DGKI: variants seen among roughly 807,000 people sequenced by gnomAD.
The protein encoded by DGKI is diacylglycerol kinase iota, also known as DAG kinase iota.
DGKI carries 55 observed loss-of-function variants against 147.5 expected under a neutral mutation model. The observed-to-expected ratio is 0.37, with a 90% CI of 0.30 to 0.47. The LOEUF is 0.47. Among genes scored for constraint, DGKI ranks in the 20% least tolerant of loss-of-function variants. The probability of loss-of-function intolerance (pLI) is 1.00; values close to 1 mark genes in which losing one functional copy is unlikely to be tolerated. For missense variants in DGKI, 1,007 were observed against 1,323.8 expected, an observed-to-expected ratio of 0.76 and a Z score of 3.71; for synonymous variants, 469 against 477.1, an observed-to-expected ratio of 0.98 and a Z score of 0.22.
At chr7:137,465,186 G>T (rs1425338507) in intron 26 of DGKI, among the ~76,000 whole-genome samples, 1 of 151,932 alleles carries the variant, frequency 6.6e-6, no homozygotes, top group African/African-American at 2.4e-5. Flanking sequence ...TAACCCTTTA[G>T]GTCTCAATTT....
intron 23 of DGKI, among the ~76,000 whole-genome samples, chr7:137,483,389 C>G (rs1815439209): frequency 6.6e-6 from 1 of 152,080 alleles, no homozygotes; most frequent in South Asian, 2.1e-4. Context: ...ATAACTACTA[C>G]TGCCAATTGT....
intron 28 of DGKI, among the ~76,000 whole-genome samples, chr7:137,443,461 T>C (rs10488608): frequency 0.34 from 52,456 of 152,052 alleles, 9,917 homozygotes; most frequent in East Asian, 0.65. Flanking sequence ...TAACTGATCA[T>C]TGTAGACACT....
At chr7:137,484,879 G>T (rs1563047591) in intron 23 of DGKI, among the ~76,000 whole-genome samples, 1 of 151,916 alleles carries the variant, frequency 6.6e-6, no homozygotes, top group African/African-American at 2.4e-5. Context: ...TTTTTCAGGA[G>T]ATGATGGAAA....
At chr7:137,759,103 C>T (rs1408085793) in intron 1 of DGKI, among the ~76,000 whole-genome samples, 1 of 151,960 alleles carries the variant, frequency 6.6e-6, no homozygotes, top group Non-Finnish European at 1.5e-5. Flanking sequence ...TTTCAACCCC[C>T]TCCCTCTCCT....
chr7:137,421,061 A>G (rs1812549092), intron 28 of DGKI, among the ~76,000 whole-genome samples: 2 of 152,072 alleles, frequency 1.3e-5, no homozygotes, highest in African/African-American at 4.8e-5. Context: ...CAGATGTAAG[A>G]GAAGAGACTC....
Position 137,690,005 on chromosome 7 carries a change from G to A in DGKI, c.402-3C>T. 1 of 1,590,694 alleles carries A rather than the reference G, an allele frequency of 6.3e-7. No individual in the cohort carries two copies. On this transcript the variant is annotated splice_region_variant and splice_polypyrimidine_tract_variant and intron_variant, in intron 1 of 32. Coordinates refer to ENST00000614521, the MANE Select transcript of DGKI (RefSeq NM_001321708.2). ...GGCCTGCCCGGGAGATTGCTTTCCTGCAGCAAGAAGAAAAACAAAAACAAA... is the reference window on the plus strand; with the variant it reads ...GGCCTGCCCGGGAGATTGCTTTCCTACAGCAAGAAGAAAAACAAAAACAAA...
intron 20 of DGKI, among the ~76,000 whole-genome samples, chr7:137,526,656 C>A (rs543760481): frequency 1.3e-5 from 2 of 152,178 alleles, no homozygotes; most frequent in East Asian, 3.9e-4. Flanking sequence ...GACTGACTTT[C>A]CATTAAGACA....
At chr7:137,717,523 T>A (rs548461225) in intron 1 of DGKI, among the ~76,000 whole-genome samples, 1 of 152,318 alleles carries the variant, frequency 6.6e-6, no homozygotes, top group Non-Finnish European at 1.5e-5. Flanking sequence ...TAAACATATG[T>A]CTGTCTGTCC....
At chr7:137,402,374 A>G (rs1048407459) in intron 30 of DGKI, among the ~76,000 whole-genome samples, 1 of 152,210 alleles carries the variant, frequency 6.6e-6, no homozygotes, top group Non-Finnish European at 1.5e-5. Flanking sequence ...CATACACATC[A>G]GTATTCAGGA....
chr7:137,539,420 G>A (rs913681045), intron 20 of DGKI, among the ~76,000 whole-genome samples: 1 of 152,010 alleles, frequency 6.6e-6, no homozygotes, highest in Non-Finnish European at 1.5e-5. Flanking sequence ...TGAACTCTTG[G>A]GTGTTTATCT....
At chr7:137,653,472 C>T (rs1822109855) in intron 5 of DGKI, among the ~76,000 whole-genome samples, 2 of 152,244 alleles carry the variant, frequency 1.3e-5, no homozygotes, top group South Asian at 4.1e-4. Flanking sequence ...CAAGGACCTT[C>T]AGGGTCCAGC....
intron 23 of DGKI, among the ~76,000 whole-genome samples, chr7:137,480,633 C>T (rs1815339215): frequency 6.6e-6 from 1 of 151,740 alleles, no homozygotes; most frequent in African/African-American, 2.4e-5. Flanking sequence ...GACATCTGTA[C>T]CACCCTGAAG....
chr7:137,562,830 A>C (rs933249777), intron 19 of DGKI, among the ~76,000 whole-genome samples: 1 of 152,174 alleles, frequency 6.6e-6, no homozygotes, highest in African/African-American at 2.4e-5. Flanking sequence ...ATTTTATGAA[A>C]TATATAAGGA....
At chr7:137,424,471 G>A (rs932084766) in intron 28 of DGKI, among the ~76,000 whole-genome samples, 4 of 152,248 alleles carry the variant, frequency 2.6e-5, no homozygotes, top group Non-Finnish European at 5.9e-5. Context: ...GCAGAAGACG[G>A]GTGATTTCTG....
intron 1 of DGKI, among the ~76,000 whole-genome samples, chr7:137,737,869 A>G (rs1795067923): frequency 6.6e-6 from 1 of 152,138 alleles, no homozygotes; most frequent in Admixed American, 6.6e-5. Flanking sequence ...CTGAGACTTC[A>G]CCACAGTGGA....
chr7:137,560,718 C>T (rs1270939337), intron 19 of DGKI, among the ~76,000 whole-genome samples: 1 of 152,078 alleles, frequency 6.6e-6, no homozygotes, highest in East Asian at 1.9e-4. Context: ...TCAGAGAGGA[C>T]AATGCAAGAA....
chr7:137,735,852 T>C (rs1795005768), intron 1 of DGKI, among the ~76,000 whole-genome samples: 2 of 152,088 alleles, frequency 1.3e-5, no homozygotes, highest in African/African-American at 2.4e-5. Context: ...AATGAAATTA[T>C]AGGAGCAAGA....
intron 20 of DGKI, 25 bp downstream of exon 20, chr7:137,552,344 C>T (rs955780454): frequency 3.7e-6 from 6 of 1,611,398 alleles, no homozygotes; most frequent in Non-Finnish European, 5.1e-6. Flanking sequence ...TCATGTTAAG[C>T]AAGGTAGGCC....
chr7:137,477,358 AAT>A (rs768798334), intron 23 of DGKI, among the ~76,000 whole-genome samples: 4 of 152,228 alleles, frequency 2.6e-5, no homozygotes, highest in Admixed American at 6.5e-5. Context: ...AGCCAATCTT[AAT>A]ATGTTTTTAG....
Sources: allele counts gnomAD v4.1 joint callset (sites outside exome capture counted in the v4.1 genomes callset), GRCh38; gene constraint gnomAD v4.1.1; transcripts MANE v1.5; gene names NCBI Gene and HGNC (gene_info 2026-07-23, HGNC 2026-07-21).